The following RASGRF1 variants were observed in gnomAD, a reference collection of about 807,000 sequenced individuals.
RASGRF1 encodes the protein Ras protein specific guanine nucleotide releasing factor 1, also known as ras-specific guanine nucleotide-releasing factor 1.
RASGRF1 carries 40 observed loss-of-function variants against 138.7 expected under a neutral mutation model. That is an observed-to-expected ratio of 0.29 (90% CI 0.22 to 0.38). The LOEUF (loss-of-function observed/expected upper bound fraction) is 0.38, where lower values mean the gene tolerates loss of function less well. Ranked by LOEUF, RASGRF1 falls within the 10% of genes least tolerant of loss-of-function variation. The probability of loss-of-function intolerance (pLI) is 1.00; values close to 1 mark genes in which losing one functional copy is unlikely to be tolerated. For missense variants in RASGRF1, 1,108 were observed against 1,650.4 expected (o/e 0.67, Z 5.69); for synonymous variants, 614 against 663.2 (o/e 0.93, Z 1.14).
At chr15:78,964,206 T>C (rs7163131) in intron 26 of RASGRF1, among the ~76,000 whole-genome samples, 19,171 of 151,820 alleles carry the variant, frequency 0.13, 2,273 homozygotes, top group African/African-American at 0.31. Context: ...GGGAATTTCA[T>C]TCTTGTCACC....
At chr15:79,004,576 T>A in intron 14 of RASGRF1, 3 of 954,460 alleles carry the variant, frequency 3.1e-6, no homozygotes, top group Non-Finnish European at 3.8e-6. Context: ...TTTTGTGGAA[T>A]GAGGAAGCTG....
At chr15:78,978,226 T>TTTG (rs1380507082) in intron 24 of RASGRF1, among the ~76,000 whole-genome samples, 1 of 31,802 alleles carries the variant, frequency 3.1e-5, no homozygotes, top group African/African-American at 5.1e-5. Flanking sequence ...TTTTGTTTTT[T>TTTG]TTTTTTTTTT....
At chr15:79,055,591 C>T (rs1415562363) in intron 3 of RASGRF1, among the ~76,000 whole-genome samples, 1 of 151,230 alleles carries the variant, frequency 6.6e-6, no homozygotes, top group Non-Finnish European at 1.5e-5. Context: ...CACACACACA[C>T]ACTCTCTCAC....
chr15:78,997,949 A>G (rs2056431518), intron 19 of RASGRF1, 147 bp downstream of exon 19: 2 of 654,486 alleles, frequency 3.1e-6, no homozygotes, highest in Admixed American at 2.6e-5. Flanking sequence ...CCAAGAGCTC[A>G]CCTCTACCCC....
chr15:78,987,977 G>T (rs2056196161), intron 22 of RASGRF1, among the ~76,000 whole-genome samples: 1 of 152,222 alleles, frequency 6.6e-6, no homozygotes, highest in African/African-American at 2.4e-5. Flanking sequence ...AAAAGGACCA[G>T]AAAACAGCAA....
chr15:79,083,622 A>C (rs1444978117), intron 1 of RASGRF1, among the ~76,000 whole-genome samples: 1 of 152,228 alleles, frequency 6.6e-6, no homozygotes, highest in Non-Finnish European at 1.5e-5. Context: ...GTATTTTGGC[A>C]ATAGACAGCA....
At chr15:79,019,107 C>A (rs528606724) in intron 11 of RASGRF1, among the ~76,000 whole-genome samples, 4 of 152,004 alleles carry the variant, frequency 2.6e-5, no homozygotes, top group Middle Eastern at 3.4e-3. Context: ...TGTGTGGCAA[C>A]CCCCAGGCCC....
chr15:79,081,471 C>T (rs1272249259), intron 1 of RASGRF1, among the ~76,000 whole-genome samples: 2 of 152,340 alleles, frequency 1.3e-5, no homozygotes, highest in East Asian at 3.9e-4. Context: ...GCCCCTTTCC[C>T]ACTCAGAGCC....
intron 5 of RASGRF1, among the ~76,000 whole-genome samples, chr15:79,040,651 T>G (rs1355621876): frequency 1.3e-5 from 2 of 150,876 alleles, no homozygotes. Flanking sequence ...GAGCGAGAGC[T>G]AGAGAGAGAG....
intron 26 of RASGRF1, among the ~76,000 whole-genome samples, chr15:78,968,911 T>C (rs953196338): frequency 3.9e-5 from 6 of 152,218 alleles, no homozygotes; most frequent in African/African-American, 1.4e-4. Context: ...GGCCGGACTT[T>C]AATAAAAACC....
At chr15:78,989,876 G>A (rs1416604803) in intron 22 of RASGRF1, among the ~76,000 whole-genome samples, 1 of 152,184 alleles carries the variant, frequency 6.6e-6, no homozygotes, top group Admixed American at 6.5e-5. Flanking sequence ...CCTGCTCCGA[G>A]GAGTAACCCC....
At chr15:79,019,802 T>A (rs1221673442) in intron 11 of RASGRF1, among the ~76,000 whole-genome samples, 1 of 152,204 alleles carries the variant, frequency 6.6e-6, no homozygotes, top group Non-Finnish European at 1.5e-5. Flanking sequence ...TGGGAGCTCT[T>A]TCTTTAAAGC....
chr15:79,059,991 GACACAC>G (rs941037876), intron 2 of RASGRF1, among the ~76,000 whole-genome samples: 1,374 of 31,546 alleles, frequency 0.044, 19 homozygotes, highest in African/African-American at 0.17. Context: ...CAGACACACA[GACACAC>G]ACACACACAC....
chr15:79,089,678 TA>T (rs1240172619), intron 1 of RASGRF1, among the ~76,000 whole-genome samples: 1 of 152,204 alleles, frequency 6.6e-6, no homozygotes, highest in Non-Finnish European at 1.5e-5. Flanking sequence ...TGTAGCCCCA[TA>T]ACCCCAGCCC....
intron 23 of RASGRF1, chr15:78,984,613 C>A: frequency 7.4e-6 from 2 of 268,664 alleles, no homozygotes; most frequent in Admixed American, 9.2e-5. Context: ...ACGGAAGTGT[C>A]CTCTGACGGA....
intron 13 of RASGRF1, among the ~76,000 whole-genome samples, chr15:79,007,011 C>CA (rs1000849178): frequency 6.0e-5 from 9 of 149,880 alleles, no homozygotes; most frequent in South Asian, 2.1e-4. Flanking sequence ...GACTCTGCCT[C>CA]AAAAAAAAAT....
At chr15:78,989,932 T>C (rs1442902927) in intron 22 of RASGRF1, among the ~76,000 whole-genome samples, 1 of 152,200 alleles carries the variant, frequency 6.6e-6, no homozygotes. Context: ...AGCGAGCCAA[T>C]GCTGGGCTGA....
intron 1 of RASGRF1, among the ~76,000 whole-genome samples, chr15:79,087,026 G>A (rs1381850367): frequency 6.6e-6 from 1 of 152,232 alleles, no homozygotes; most frequent in African/African-American, 2.4e-5. Context: ...GGCTGTGCCA[G>A]TCTGACTTCA....
intron 1 of RASGRF1, among the ~76,000 whole-genome samples, chr15:79,075,529 G>T (rs907391294): frequency 3.9e-5 from 6 of 152,164 alleles, no homozygotes; most frequent in African/African-American, 1.2e-4. Context: ...GGGGCTGGGG[G>T]CTTGAAGCCC....
Sources: allele counts gnomAD v4.1 joint callset (sites outside exome capture counted in the v4.1 genomes callset), GRCh38; gene constraint gnomAD v4.1.1; transcripts MANE v1.5; gene names NCBI Gene and HGNC (gene_info 2026-07-23, HGNC 2026-07-21).